Variants in DAB1 observed in about 807,000 individuals in gnomAD.
DAB1 encodes disabled homolog 1.
Under a neutral mutation model 64.6 loss-of-function variants are expected in DAB1, and 15 were observed. The observed-to-expected ratio is 0.23, with a 90% CI of 0.16 to 0.36. The LOEUF is 0.36. Among genes scored for constraint, DAB1 ranks in the 10% least tolerant of loss-of-function variants. DAB1 has a pLI of 1.00. For synonymous variants in DAB1, 235 were observed against 251.9 expected (o/e 0.93, Z 0.64); for missense variants, 596 against 706.7 (o/e 0.84, Z 1.78).
At chr1:57,330,155 C>G (rs535165155) in intron 1 of DAB1, among the ~76,000 whole-genome samples, 8 of 152,178 alleles carry the variant, frequency 5.3e-5, no homozygotes, top group Admixed American at 4.6e-4. Flanking sequence ...ACCTGGACAG[C>G]TGCACTCCAG....
At chr1:57,966,408 A>G (rs1195860043) in intron 5 of DAB1, among the ~76,000 whole-genome samples, 1 of 152,084 alleles carries the variant, frequency 6.6e-6, no homozygotes, top group Non-Finnish European at 1.5e-5. Flanking sequence ...AACCTGCTGG[A>G]GGAGAATATG....
At chr1:57,313,445 T>G (rs1330366872) in intron 1 of DAB1, among the ~76,000 whole-genome samples, 2 of 152,228 alleles carry the variant, frequency 1.3e-5, no homozygotes, top group African/African-American at 2.4e-5. Context: ...GTCCATTTCC[T>G]TCTTCTGAGT....
intron 9 of DAB1, among the ~76,000 whole-genome samples, chr1:57,047,918 A>G (rs1250479034): frequency 6.6e-6 from 1 of 152,188 alleles, no homozygotes; most frequent in Non-Finnish European, 1.5e-5. Context: ...GCTCATCCTT[A>G]TATCTCTTAA....
chr1:57,276,899 T>G (rs1671512836), intron 2 of DAB1, among the ~76,000 whole-genome samples: 1 of 152,310 alleles, frequency 6.6e-6, no homozygotes, highest in South Asian at 2.1e-4. Flanking sequence ...CATAATCTTC[T>G]GTGGCCAGCA....
intron 4 of DAB1, among the ~76,000 whole-genome samples, chr1:58,232,630 T>C (rs1659834151): frequency 1.3e-5 from 2 of 151,806 alleles, no homozygotes; most frequent in East Asian, 1.9e-4. Flanking sequence ...GTAAAAGGGA[T>C]TGTGGGAGCA....
intron 1 of DAB1, chr1:58,539,166 A>G: frequency 5.7e-6 from 5 of 872,942 alleles, no homozygotes; most frequent in Non-Finnish European, 1.0e-5. Context: ...CTATATGGTT[A>G]ACTTGTACTT....
chr1:58,429,837 G>C (rs1270857064), intron 3 of DAB1, among the ~76,000 whole-genome samples: 1 of 97,098 alleles, frequency 1.0e-5, no homozygotes, highest in Admixed American at 9.1e-5. Context: ...TAACAAAACA[G>C]TGTAGATTAT....
intron 4 of DAB1, among the ~76,000 whole-genome samples, chr1:58,230,594 G>A (rs1004955341): frequency 6.6e-6 from 1 of 152,180 alleles, no homozygotes; most frequent in Non-Finnish European, 1.5e-5. Context: ...CTCTTACAAG[G>A]ATTCCTTAGA....
chr1:58,104,752 A>G (rs1423869394), intron 5 of DAB1, among the ~76,000 whole-genome samples: 2 of 152,214 alleles, frequency 1.3e-5, no homozygotes, highest in African/African-American at 4.8e-5. Flanking sequence ...AAGAAAATTA[A>G]ATGAAAAATT....
intron 5 of DAB1, among the ~76,000 whole-genome samples, chr1:58,030,735 C>T (rs1218051839): frequency 1.3e-5 from 2 of 152,252 alleles, no homozygotes; most frequent in Non-Finnish European, 1.5e-5. Flanking sequence ...TCAATAAAAA[C>T]GTATTGAAAG....
chr1:58,493,570 C>T (rs1370150054), intron 3 of DAB1, among the ~76,000 whole-genome samples: 3 of 151,376 alleles, frequency 2.0e-5, no homozygotes, highest in African/African-American at 7.3e-5. Flanking sequence ...TCAGCAAAGT[C>T]TCAGGATACA....
At chr1:57,182,981 G>A (rs561272497) in intron 2 of DAB1, among the ~76,000 whole-genome samples, 5 of 152,212 alleles carry the variant, frequency 3.3e-5, no homozygotes, top group South Asian at 4.2e-4. Context: ...CAATAGGCAC[G>A]CATGGCTGGT....
intron 1 of DAB1, among the ~76,000 whole-genome samples, chr1:57,353,674 C>A (rs1299678942): frequency 3.3e-5 from 5 of 152,132 alleles, no homozygotes; most frequent in African/African-American, 1.2e-4. Flanking sequence ...TGAGGTCATA[C>A]TGAGTTATTC....
At chr1:58,095,313 T>C (rs1650914678) in intron 5 of DAB1, among the ~76,000 whole-genome samples, 1 of 152,200 alleles carries the variant, frequency 6.6e-6, no homozygotes, top group Non-Finnish European at 1.5e-5. Flanking sequence ...CCAGGAAATA[T>C]TTTATGTACT....
intron 7 of DAB1, among the ~76,000 whole-genome samples, chr1:57,539,634 C>T (rs1440708565): frequency 6.6e-6 from 1 of 152,134 alleles, no homozygotes; most frequent in Non-Finnish European, 1.5e-5. Context: ...TGTAAAATTA[C>T]TTGCTTTATT....
chr1:58,539,914 A>C (rs760882239), intron 1 of DAB1, among the ~76,000 whole-genome samples: 9 of 152,176 alleles, frequency 5.9e-5, no homozygotes, highest in Non-Finnish European at 1.3e-4. Flanking sequence ...AGGACAGAGG[A>C]CAAGAGAAGA....
chr1:58,418,095 G>A (rs1394933351), intron 3 of DAB1, among the ~76,000 whole-genome samples: 2 of 152,182 alleles, frequency 1.3e-5, no homozygotes, highest in East Asian at 3.9e-4. Flanking sequence ...CCAAGGCACT[G>A]TGCAATTCCG....
chr1:57,771,688 T>C (rs1202705336), intron 6 of DAB1, among the ~76,000 whole-genome samples: 1 of 152,094 alleles, frequency 6.6e-6, no homozygotes, highest in Non-Finnish European at 1.5e-5. Context: ...TATCAATATA[T>C]AGAACATGTA....
intron 7 of DAB1, among the ~76,000 whole-genome samples, chr1:57,478,585 T>TC (rs1491047587): frequency 7.4e-6 from 1 of 135,444 alleles, no homozygotes; most frequent in Admixed American, 7.5e-5. Context: ...ATATTCCCAT[T>TC]CTTTTTTTTT....
Sources: allele counts gnomAD v4.1 joint callset (sites outside exome capture counted in the v4.1 genomes callset), GRCh38; gene constraint gnomAD v4.1.1; transcripts MANE v1.5; gene names NCBI Gene and HGNC (gene_info 2026-07-23, HGNC 2026-07-21).